PLXNB3: variants seen among roughly 807,000 people sequenced by gnomAD.
PLXNB3 encodes the protein plexin-B3.
A neutral mutation model predicts 125.7 loss-of-function variants in PLXNB3; 80 were observed. The ratio of observed to expected loss-of-function variants is 0.64; its 90% CI spans 0.53 to 0.77. The LOEUF (loss-of-function observed/expected upper bound fraction) is 0.77. Among genes scored for constraint, PLXNB3 ranks in the 30% least tolerant of loss-of-function variants. PLXNB3 has a pLI of 0.00. For synonymous variants in PLXNB3, 954 were observed against 783.3 expected (o/e 1.22, Z -3.64); for missense variants, 1,836 against 1,729.3 (o/e 1.06, Z -1.09).
At chrX:153,771,189 GC>G in intron 12 of PLXNB3, 108 bp downstream of exon 12, 1 of 917,886 alleles carries the variant, frequency 1.1e-6, no homozygotes, top group Non-Finnish European at 1.6e-6. Flanking sequence ...CTGTCTGTGG[GC>G]CCCAGTCTTG....
chrX:153,774,124 C>T lies in PLXNB3; in HGVS notation c.3519+26C>T, dbSNP rs375386172. The T allele has an allele frequency of 9.5e-5, 113 of 1,194,837 alleles. No individual in the cohort carries two copies. In the African/African-American group the frequency reaches 1.5e-3, roughly 15 times the overall value. On this transcript the variant is annotated intron_variant, in intron 20 of 35. Transcript: ENST00000361971. ...GTGAGGGCCACCTTCAACCCTGCCCCGCCACGGTGCTCAGGCCGCCTCTGT... is the reference window on the plus strand; with the variant it reads ...GTGAGGGCCACCTTCAACCCTGCCCTGCCACGGTGCTCAGGCCGCCTCTGT...
chrX:153,769,687 C>T (rs1002380065), intron 6 of PLXNB3, 120 bp from the exon 7 acceptor site: 44 of 747,788 alleles, frequency 5.9e-5, no homozygotes, highest in Middle Eastern at 4.7e-4. Context: ...GTCCCCTTCA[C>T]GCCTCCTGCT....
chrX:153,776,840 G>A (rs782754129), intron 28 of PLXNB3, 47 bp from the exon 29 acceptor site: 4 of 904,340 alleles, frequency 4.4e-6, no homozygotes, highest in Non-Finnish European at 6.1e-6. Flanking sequence ...GGCGGTGTAG[G>A]CGCCTGGCTA....
In PLXNB3 at chrX:153,767,263, G is replaced by A. The variant is rs1557059571; in HGVS notation, c.436G>A (p.Gly146Arg). 8.3e-7 allele frequency: 1 copy of A among 1,205,150 alleles called. No individual in the cohort carries two copies. Among genetic ancestry groups the A allele is most frequent in the African/African-American group, 1.7e-5 (1 of 57,496 alleles). ...GGGCGTGTGTGAGACACGGCGCCTT[G>A]GGGATGTGGCCGAGGTGCTGTACCA... The part of the protein sequence containing the change: ...RQGVCETRRL[G>R]DVAEVLYQAE... Residue 146 changes from glycine to arginine, a missense_variant, in exon 3 of 36, where the codon GGG (glycine) becomes AGG (arginine). By Grantham distance (125) the Gly-to-Arg change is moderately radical. Coordinates refer to ENST00000361971, the MANE Select transcript of PLXNB3 (RefSeq NM_005393.3).
At position 153,776,059 on chromosome X, in the gene PLXNB3, G is replaced by T. The variant is rs782172275; in HGVS notation, c.4574G>T (p.Gly1525Val). ...ACGCTGATGGTGCTGGTGGGGCCCG[G>T]GGCTGGCGGGGCCGCAGGCAGCAGC... Reference protein sequence around the residue: ...PLTLMVLVGPGAGGAAGSSEM... With the variant: ...PLTLMVLVGPVAGGAAGSSEM... Residue 1525 changes from glycine (G) to valine (V), a missense_variant, in exon 27 of 36, where the codon GGG (glycine) becomes GTG (valine). Coordinates refer to ENST00000361971, the MANE Select transcript of PLXNB3 (RefSeq NM_005393.3). 1 of 1,194,881 alleles carries T rather than the reference G, an allele frequency of 8.4e-7. No individual in the cohort carries two copies. Among genetic ancestry groups the T allele is most frequent in the African/African-American group, 1.8e-5 (1 of 57,067 alleles).
At position 153,775,990 on chromosome X, in the gene PLXNB3, A is replaced by G; in HGVS notation, c.4505A>G (p.Asn1502Ser). 1 of 1,210,437 alleles carries G rather than the reference A, an allele frequency of 8.3e-7. No homozygotes were observed. Among genetic ancestry groups the G allele is most frequent in the Non-Finnish European group, 1.1e-6 (1 of 895,075 alleles). ...AVTGKAKRTLNDSRLLREDVE... is the reference protein window; with the variant it reads ...AVTGKAKRTLSDSRLLREDVE... ...ACAGGCAAGGCCAAACGGACCCTGA[A>G]TGATAGCCGCTTGCTGCGGGAGGAC... Residue 1502 changes from asparagine to serine, a missense_variant, in exon 27 of 36, where the codon AAT (asparagine) becomes AGT (serine). Transcript: ENST00000361971.
intron 2 of PLXNB3, 97 bp downstream of exon 2, chrX:153,765,677 C>T: frequency 8.6e-7 from 1 of 1,159,801 alleles, no homozygotes; most frequent in Non-Finnish European, 1.2e-6. Context: ...AGGCTGCAGC[C>T]TCCCTCATGG....
Position 153,779,076 on chromosome X carries a change from C to A in PLXNB3, c.*37C>A. On this transcript the variant is annotated 3_prime_UTR_variant, in exon 36 of 36. Transcript: ENST00000361971. The stretch of plus-strand genomic sequence containing the variant: ...GACAGCAGCAAGCCGGATCCACCAA[C>A]ACCGCAGCGCCTTATGACCCCGGAA... The A allele has an allele frequency of 1.0e-6, 1 of 992,679 alleles. No homozygotes were observed. Among genetic ancestry groups the A allele is most frequent in the Non-Finnish European group, 1.4e-6 (1 of 732,221 alleles). The allele number at this position is 992,679 out of a possible 1,213,427, so 81.8% of individuals were successfully genotyped here. A position where few individuals can be genotyped will look rare whatever the true frequency, so the allele number is the denominator to read the frequency against.
intron 10 of PLXNB3, 51 bp downstream of exon 10, chrX:153,770,693 T>G (rs1557061481): frequency 8.3e-7 from 1 of 1,206,510 alleles, no homozygotes; most frequent in South Asian, 1.8e-5. Context: ...TTCTCCACCC[T>G]TCCCAGACCC....
Position 153,767,286 on chromosome X carries a change from C to A in PLXNB3, c.459C>A (p.Tyr153Ter). ...RRLGDVAEVL[Y>*]QAEDPGDGQF... The stretch of plus-strand genomic sequence containing the variant: ...TTGGGGATGTGGCCGAGGTGCTGTA[C>A]CAGGCTGAGGACCCTGGTGACGGGC... Residue 153 changes from tyrosine to a stop codon, truncating the protein, a stop_gained, in exon 3 of 36, where the codon TAC becomes TAA. Coordinates refer to ENST00000361971, the MANE Select transcript of PLXNB3 (RefSeq NM_005393.3). LOFTEE classifies it high-confidence loss of function. The A allele has an allele frequency of 1.7e-6, 2 of 1,206,564 alleles. No homozygotes were observed. Among genetic ancestry groups the A allele is most frequent in the Non-Finnish European group, 2.2e-6 (2 of 893,112 alleles).
At position 153,767,127 on chromosome X, in the gene PLXNB3, C is replaced by A; in HGVS notation, c.300C>A (p.Pro100=). ...TAATCGACAGCCCTGACTGCGTGCCCTTCCGTGACCCAGCCGAGTGCCCAC... is the reference window on the plus strand; with the variant it reads ...TAATCGACAGCCCTGACTGCGTGCCATTCCGTGACCCAGCCGAGTGCCCAC... ...GPVIDSPDCV[P]FRDPAECPQA... is the part of the protein sequence containing the mutation. The change falls in exon 3 of 36, where the codon CCC becomes CCA. Residue 100 remains proline (P), a synonymous_variant. Coordinates refer to ENST00000361971, the MANE Select transcript of PLXNB3 (RefSeq NM_005393.3). 8.3e-7 allele frequency: 1 copy of A among 1,210,049 alleles called. No homozygotes were observed. The highest frequency in any genetic ancestry group is 1.7e-5 in the African/African-American group (1 of 57,991).
chrX:153,766,223 C>G, intron 2 of PLXNB3: 1 of 1,164,500 alleles, frequency 8.6e-7, no homozygotes, highest in Non-Finnish European at 1.1e-6. Context: ...GGAGCTCACC[C>G]CTGCCTCTTC....
Position 153,775,220 on chromosome X carries a change from C to T in PLXNB3, c.4156-5C>T, listed in dbSNP as rs997737023. On this transcript the variant is annotated splice_polypyrimidine_tract_variant and splice_region_variant and intron_variant, in intron 24 of 35. Transcript: ENST00000361971. ...TCCCAGGATGAGCCTCCGACCCCTG[C>T]TCAGCTCATCCACACCCTGGAGGAG... 1.7e-6 allele frequency: 2 copies of T among 1,172,281 alleles called. No individual in the cohort carries two copies. Among genetic ancestry groups the T allele is most frequent in the African/African-American group, 1.8e-5 (1 of 57,105 alleles).
intron 29 of PLXNB3, 113 bp downstream of exon 29, chrX:153,777,093 A>G (rs1294167789): frequency 3.0e-6 from 3 of 1,013,078 alleles, no homozygotes; most frequent in Admixed American, 2.9e-5. Flanking sequence ...TCTTCTGCCC[A>G]TCTCCTTCCT....
At chrX:153,769,706 C>T in intron 6 of PLXNB3, 101 bp from the exon 7 acceptor site, 2 of 890,240 alleles carry the variant, frequency 2.2e-6, no homozygotes, top group South Asian at 2.5e-5. Context: ...CTCATTGCAC[C>T]CCACTGCACT....
In PLXNB3 at chrX:153,768,985, C is replaced by T; in HGVS notation, c.1304C>T (p.Ser435Phe). ...GGCTCCCAGGGCCAGGTTTACCACTCCCAGCAAGTGGGGCCTCCAGGCTCA... is the reference window on the plus strand; with the variant it reads ...GGCTCCCAGGGCCAGGTTTACCACTTCCAGCAAGTGGGGCCTCCAGGCTCA... ...LHGSQGQVYH[S>F]QQVGPPGSAI... The change falls in exon 5 of 36, where the codon TCC becomes TTC. Residue 435 changes from serine (S) to phenylalanine (F), a missense_variant. Transcript: ENST00000361971. 2 of 1,211,355 alleles carry T rather than the reference C, an allele frequency of 1.7e-6. No individual in the cohort carries two copies. Among genetic ancestry groups the T allele is most frequent in the Non-Finnish European group, 2.2e-6 (2 of 894,854 alleles).
At chrX:153,766,839 C>T (rs1460335886) in intron 2 of PLXNB3, 34 bp from the exon 3 acceptor site, 9 of 1,146,372 alleles carry the variant, frequency 7.9e-6, no homozygotes, top group African/African-American at 5.4e-5. Flanking sequence ...ATCTGCCTTG[C>T]GCTCCCACTG....
At position 153,773,391 on chromosome X, in the gene PLXNB3, G is replaced by A; in HGVS notation, c.3068G>A (p.Ser1023Asn). 1.7e-6 allele frequency: 2 copies of A among 1,203,738 alleles called. No individual in the cohort carries two copies. Among genetic ancestry groups the A allele is most frequent in the Non-Finnish European group, 2.2e-6 (2 of 891,562 alleles). ...CCCCAGCTTGTAGCGGCGGAGCCCA[G>A]TGCCAGCTTCCGGGGGTGAGGGTCA... is the stretch of plus-strand genomic sequence containing the variant. ...ANPQLVAAEP[S>N]ASFRGGGRLI... is the part of the protein sequence containing the mutation. Residue 1023 changes from serine (S) to asparagine (N), a missense_variant, in exon 18 of 36, where the codon AGT becomes AAT. By Grantham distance (46) the Ser-to-Asn change is conservative (BLOSUM62 1). Transcript: ENST00000361971.
Position 153,770,880 on chromosome X carries a change from C to T in PLXNB3, c.2133C>T (p.Phe711=). The T allele has an allele frequency of 8.3e-7, 1 of 1,205,286 alleles. No homozygotes were observed. The highest frequency in any genetic ancestry group is 1.1e-6 in the Non-Finnish European group (1 of 891,191). ...TACGCGTGCGGAACCTTCAACATTT[C>T]CGAGTGAGCCATCAGGAGGGAAGGG... ...LALRVRNLQH[F]RGLPASFHCW... is the part of the protein sequence containing the mutation. The change falls in exon 11 of 36, where the codon TTC becomes TTT. Residue 711 remains phenylalanine (F), a synonymous_variant. Transcript: ENST00000361971.
Sources: gnomAD v4.1 joint callset for allele counts on GRCh38, gnomAD v4.1.1 for gene constraint, MANE v1.5 for transcripts, NCBI Gene and HGNC (gene_info 2026-07-23, HGNC 2026-07-21) for gene names.